STPG2: variants seen among roughly 807,000 people sequenced by gnomAD.
STPG2 encodes the protein sperm tail PG-rich repeat containing 2, also known as sperm-tail PG-rich repeat-containing protein 2.
Under a neutral mutation model 54.2 loss-of-function variants are expected in STPG2, and 56 were observed. That is an observed-to-expected ratio of 1.03 (90% CI 0.83 to 1.29). The LOEUF (loss-of-function observed/expected upper bound fraction) is 1.29, where lower values mean the gene tolerates loss of function less well. Among genes scored for constraint, STPG2 ranks in the 50% most tolerant of loss-of-function variants. The pLI is 0.00. For synonymous variants in STPG2, 200 were observed against 181.8 expected, an observed-to-expected ratio of 1.10 and a Z score of -0.81; for missense variants, 596 against 544.9, an observed-to-expected ratio of 1.09 and a Z score of -0.93.
At chr4:97,613,475 CGTGTGTGTGTGTGTGTGT>C (rs70953075) in intron 10 of STPG2, among the ~76,000 whole-genome samples, 17,429 of 142,290 alleles carry the variant, frequency 0.12, 3,082 homozygotes, top group African/African-American at 0.39. Flanking sequence ...AGTCATCACC[CGTGTGTGTGTGTGTGTGT>C]GTGTGTGTGT....
At chr4:97,904,695 G>A (rs946996025) in intron 8 of STPG2, among the ~76,000 whole-genome samples, 3 of 152,176 alleles carry the variant, frequency 2.0e-5, no homozygotes, top group Non-Finnish European at 4.4e-5. Flanking sequence ...AGGCAAAGAA[G>A]TTGAAAACTT....
chr4:98,060,820 G>T (rs1737628284), intron 5 of STPG2, among the ~76,000 whole-genome samples: 1 of 152,110 alleles, frequency 6.6e-6, no homozygotes, highest in Non-Finnish European at 1.5e-5. Flanking sequence ...ATGGGGAAAA[G>T]ACTCCCCTTT....
chr4:97,759,307 G>T (rs1725821378), intron 9 of STPG2, among the ~76,000 whole-genome samples: 1 of 150,452 alleles, frequency 6.6e-6, no homozygotes, highest in Admixed American at 6.6e-5. Flanking sequence ...GCAGGGCTCA[G>T]AAAAAAAAAT....
chr4:97,954,553 G>A (rs1233408350), intron 7 of STPG2, among the ~76,000 whole-genome samples: 2 of 152,168 alleles, frequency 1.3e-5, no homozygotes, highest in Non-Finnish European at 2.9e-5. Flanking sequence ...AGGCATCAAA[G>A]AGTAAAGTTA....
downstream of STPG2, among the ~76,000 whole-genome samples, chr4:97,554,340 G>T (rs1732031783): frequency 6.6e-6 from 1 of 152,186 alleles, no homozygotes; most frequent in Admixed American, 6.6e-5. Flanking sequence ...TGACAAGAAA[G>T]AATCCAGTCT....
intron 8 of STPG2, among the ~76,000 whole-genome samples, chr4:97,886,784 A>C (rs564344745): frequency 3.3e-5 from 5 of 152,190 alleles, no homozygotes; most frequent in Non-Finnish European, 7.3e-5. Context: ...TATAGTCCCC[A>C]GTATTGGACG....
intron 10 of STPG2, among the ~76,000 whole-genome samples, chr4:97,703,376 G>T (rs1200635377): frequency 6.9e-6 from 1 of 145,656 alleles, no homozygotes; most frequent in Non-Finnish European, 1.5e-5. Context: ...TCTCTAGAGG[G>T]TCAGAACTAA....
chr4:97,668,524 G>A (rs780864128), intron 10 of STPG2, among the ~76,000 whole-genome samples: 3 of 152,052 alleles, frequency 2.0e-5, no homozygotes, highest in Non-Finnish European at 4.4e-5. Flanking sequence ...GATTAAAAAT[G>A]ACTGTGAGAA....
chr4:97,781,149 G>A (rs555967391), intron 9 of STPG2, among the ~76,000 whole-genome samples: 1 of 152,176 alleles, frequency 6.6e-6, no homozygotes, highest in African/African-American at 2.4e-5. Context: ...CCAGGAGCTG[G>A]TCTTTTGAAA....
chr4:97,899,891 C>A (rs572084935), intron 8 of STPG2, among the ~76,000 whole-genome samples: 1 of 152,102 alleles, frequency 6.6e-6, no homozygotes, highest in Admixed American at 6.6e-5. Flanking sequence ...TAGGCAATAT[C>A]ATTCTGGACA....
chr4:97,787,812 T>C (rs1159563615), intron 9 of STPG2, among the ~76,000 whole-genome samples: 4 of 151,906 alleles, frequency 2.6e-5, no homozygotes, highest in Non-Finnish European at 5.9e-5. Flanking sequence ...TTTTTTGAGA[T>C]AGCTCAGTAA....
chr4:97,445,255 T>A (rs1045178723), intron 4 of STPG2, among the ~76,000 whole-genome samples: 1 of 152,190 alleles, frequency 6.6e-6, no homozygotes, highest in Non-Finnish European at 1.5e-5. Flanking sequence ...TAACAAGATA[T>A]ATAATAGAAG....
At chr4:97,600,416 T>A (rs927541305) in intron 10 of STPG2, among the ~76,000 whole-genome samples, 5 of 152,142 alleles carry the variant, frequency 3.3e-5, no homozygotes, top group African/African-American at 1.2e-4. Flanking sequence ...AAAATAAGCA[T>A]ACATATAGTT....
At chr4:97,776,490 T>C (rs1261397631) in intron 9 of STPG2, among the ~76,000 whole-genome samples, 1 of 152,178 alleles carries the variant, frequency 6.6e-6, no homozygotes, top group African/African-American at 2.4e-5. Context: ...TTATTAGAAA[T>C]AAATATTCTT....
intron 5 of STPG2, among the ~76,000 whole-genome samples, chr4:98,024,035 A>G (rs1001952021): frequency 1.3e-5 from 2 of 151,924 alleles, no homozygotes; most frequent in African/African-American, 4.8e-5. Flanking sequence ...CGCTGCACCC[A>G]CTGTCCTGCA....
At chr4:98,134,284 T>G in intron 2 of STPG2, 63 bp downstream of exon 2, 2 of 797,554 alleles carry the variant, frequency 2.5e-6, no homozygotes, top group South Asian at 6.8e-5. Context: ...ACAAATGACA[T>G]TTGGTCTATT....
chr4:97,703,583 G>A (rs1340440932), intron 10 of STPG2, among the ~76,000 whole-genome samples: 2 of 91,468 alleles, frequency 2.2e-5, no homozygotes, highest in African/African-American at 9.6e-5. Context: ...AGTATATATA[G>A]TATATATATA....
intron 5 of STPG2, among the ~76,000 whole-genome samples, chr4:98,088,842 T>C (rs1022116925): frequency 2.6e-5 from 4 of 152,246 alleles, no homozygotes; most frequent in African/African-American, 9.6e-5. Context: ...CATTTTTCAA[T>C]CCACTGCTAT....
At chr4:97,786,286 T>A (rs2149076517) in intron 9 of STPG2, among the ~76,000 whole-genome samples, 1 of 152,230 alleles carries the variant, frequency 6.6e-6, no homozygotes, top group African/African-American at 2.4e-5. Context: ...TGCTTTCCAA[T>A]GTATAACATG....
Sources: allele counts gnomAD v4.1 joint callset (sites outside exome capture counted in the v4.1 genomes callset), GRCh38; gene constraint gnomAD v4.1.1; transcripts MANE v1.5; gene names NCBI Gene and HGNC (gene_info 2026-07-23, HGNC 2026-07-21).